The following LRRC53 variants were observed in gnomAD, a reference collection of about 807,000 sequenced individuals.
The protein encoded by LRRC53 is leucine-rich repeat-containing protein 53.
A neutral mutation model predicts 13.6 loss-of-function variants in LRRC53; 25 were observed. The ratio of observed to expected loss-of-function variants is 1.83; its 90% confidence interval spans 1.34 to 2.56. The LOEUF (loss-of-function observed/expected upper bound fraction) is 2.56, where lower values mean the gene tolerates loss of function less well. Among genes scored for constraint, LRRC53 ranks in the 30% most tolerant of loss-of-function variants. LRRC53 has a pLI of 0.00. For synonymous variants in LRRC53, 204 were observed against 109.8 expected, an observed-to-expected ratio of 1.86 and a Z score of -5.37; for missense variants, 527 against 275.8, an observed-to-expected ratio of 1.91 and a Z score of -6.45.
rs1557599715 is a variant in LRRC53, at chr1:74,486,507, C to CTTTTTGCT, written c.-26-3133_-26-3132insAGCAAAAA. 3.5e-3 allele frequency among the ~76,000 whole-genome samples: 485 copies of CTTTTTGCT among 137,096 alleles called. 4 individuals carry two copies. Among genetic ancestry groups the CTTTTTGCT allele is most frequent in the African/African-American group, 0.012 (461 of 36,898 alleles). 89.9% of individuals were successfully genotyped at this position (137,096 alleles called of 152,430 possible). A position where few individuals can be genotyped will look rare whatever the true frequency, so the allele number is the denominator to read the frequency against. ...TTTTGTGTGTGTTTTTTGTTTTTTG[C>CTTTTTGCT]TTTTTTTTTTTTTGCCTCTGCAAGC... On this transcript the variant is annotated intron_variant, in intron 1 of 4. Coordinates refer to ENST00000294635, the MANE Select transcript of LRRC53 (RefSeq NM_001382280.1).
chr1:74,500,354 A>G (rs1164151920), intron 1 of LRRC53, among the ~76,000 whole-genome samples: 5 of 151,890 alleles, frequency 3.3e-5, no homozygotes, highest in Admixed American at 6.6e-5. Flanking sequence ...AAATTATTTA[A>G]GCCTTGGGAG....
intron 3 of LRRC53, among the ~76,000 whole-genome samples, chr1:74,476,225 T>C (rs1668200208): frequency 6.6e-6 from 1 of 152,178 alleles, no homozygotes; most frequent in African/African-American, 2.4e-5. Context: ...CTATGTAGTT[T>C]GTCCTCTGAA....
chr1:74,511,048 C>A (rs1670188865), intron 1 of LRRC53, among the ~76,000 whole-genome samples: 1 of 152,050 alleles, frequency 6.6e-6, no homozygotes, highest in Non-Finnish European at 1.5e-5. Flanking sequence ...CCACCATGCC[C>A]AGCTAATGTT....
chr1:74,498,472 T>A (rs1428893662), intron 1 of LRRC53, among the ~76,000 whole-genome samples: 2 of 152,224 alleles, frequency 1.3e-5, no homozygotes, highest in Admixed American at 6.5e-5. Context: ...AATTCTCTTC[T>A]TTTTTGTTTT....
chr1:74,486,537 G>A (rs1428805685), intron 1 of LRRC53, among the ~76,000 whole-genome samples: 1 of 142,744 alleles, frequency 7.0e-6, no homozygotes, highest in African/African-American at 2.6e-5. Flanking sequence ...GCAAGCAGAA[G>A]GATGGAGTTT....
chr1:74,511,210 G>A (rs1460342425), intron 1 of LRRC53, among the ~76,000 whole-genome samples: 2 of 135,108 alleles, frequency 1.5e-5, no homozygotes, highest in Non-Finnish European at 3.1e-5. Flanking sequence ...TTTTTTTTCC[G>A]AGATGGAATT....
At chr1:74,502,471 T>C (rs1480860387) in intron 1 of LRRC53, among the ~76,000 whole-genome samples, 1 of 152,220 alleles carries the variant, frequency 6.6e-6, no homozygotes, top group Non-Finnish European at 1.5e-5. Flanking sequence ...TAGTTCATAA[T>C]TTAATTTGGG....
chr1:74,475,116 CCACACACA>C (rs3058791), intron 4 of LRRC53, among the ~76,000 whole-genome samples, 171 bp downstream of exon 4: 46 of 135,988 alleles, frequency 3.4e-4, no homozygotes, highest in East Asian at 3.2e-3. Flanking sequence ...CCACCTCAGC[CCACACACA>C]CACACACACA....
chr1:74,474,889 C>T (rs927079244), intron 4 of LRRC53, among the ~76,000 whole-genome samples: 12 of 152,022 alleles, frequency 7.9e-5, no homozygotes, highest in Admixed American at 6.6e-5. Context: ...ACATGTCATG[C>T]TCTGGGAAGG....
chr1:74,523,271 T>A, the LRRC53 span, among the ~76,000 whole-genome samples: 1 of 152,214 alleles, frequency 6.6e-6, no homozygotes, highest in African/African-American at 2.4e-5. Context: ...AACACATCTA[T>A]AGACATTATC....
intron 2 of LRRC53, among the ~76,000 whole-genome samples, chr1:74,482,164 A>C (rs1309528431): frequency 6.6e-6 from 1 of 152,138 alleles, no homozygotes; most frequent in East Asian, 1.9e-4. Context: ...ATGGGTCCCC[A>C]GTCCTTTAGG....
Position 74,477,946 on chromosome 1 carries a change from A to G in LRRC53, c.905-2136T>C, listed in dbSNP as rs3737567. ...CATTACAGCTTCATAAAAACTTTTT[A>G]TCTACCAGTTCATAGTGTAAGTGTC... On this transcript the variant is annotated intron_variant, in intron 3 of 4. Transcript: ENST00000294635. 1.2e-4 allele frequency among the ~76,000 whole-genome samples: 18 copies of G among 152,330 alleles called. 1 individual carries two copies. In the East Asian group the frequency reaches 3.5e-3, roughly 29 times the overall value.
At chr1:74,504,632 C>T (rs1166751111) in intron 1 of LRRC53, among the ~76,000 whole-genome samples, 1 of 151,798 alleles carries the variant, frequency 6.6e-6, no homozygotes, top group African/African-American at 2.4e-5. Context: ...GTAAAATTGA[C>T]ACCTTTAAAA....
In LRRC53 at chr1:74,480,751, G is replaced by A. The variant is rs1293337905; in HGVS notation, c.306C>T (p.Thr102=). The change falls in exon 3 of 5, where the codon ACC becomes ACT. Residue 102 remains threonine (T), a synonymous_variant. Coordinates refer to ENST00000294635, the MANE Select transcript of LRRC53 (RefSeq NM_001382280.1). ...QISSSSLTDH[T]FSKLHSLQVL... The stretch of plus-strand genomic sequence containing the variant: ...CCTGCAGGCTGTGAAGCTTGCTGAA[G>A]GTGTGATCAGTGAGCGAAGAGCTGG... 4.2e-6 allele frequency: 3 copies of A among 717,358 alleles called. No homozygotes were observed. The highest frequency in any genetic ancestry group is 2.7e-5 in the East Asian group (1 of 37,296). The allele number at this position is 717,358 out of a possible 1,614,324, so 44.4% of individuals were successfully genotyped here.
At chr1:74,481,453 C>T (rs557604407) in intron 2 of LRRC53, among the ~76,000 whole-genome samples, 3 of 152,252 alleles carry the variant, frequency 2.0e-5, no homozygotes, top group South Asian at 4.1e-4. Context: ...AGTAAAGGTG[C>T]GAGTTGGGAT....
At chr1:74,536,476 AT>A in the LRRC53 span, among the ~76,000 whole-genome samples, 1 of 152,148 alleles carries the variant, frequency 6.6e-6, no homozygotes, top group Admixed American at 6.6e-5. Flanking sequence ...ATTTTAATAA[AT>A]TATTCATATC....
At chr1:74,529,314 A>G in the LRRC53 span, among the ~76,000 whole-genome samples, 3 of 152,176 alleles carry the variant, frequency 2.0e-5, no homozygotes, top group African/African-American at 7.2e-5. Flanking sequence ...CCCTTCTGTG[A>G]TACTGCCCTC....
In LRRC53 at chr1:74,471,905, T is replaced by A; in HGVS notation, c.1717A>T (p.Ile573Phe). ...TGCTCACAGGGCACATATTTACAGA[T>A]AAGAGAATTGTTTGGCTGAAAATAC... The part of the protein sequence containing the change: ...PRYFQPNNSL[I>F]CKYVPCEQFE... Residue 573 changes from isoleucine (I) to phenylalanine (F), a missense_variant, in exon 5 of 5, where the codon ATC (isoleucine) becomes TTC (phenylalanine). Ile to Phe is a conservative substitution (Grantham distance 21, BLOSUM62 0). Transcript: ENST00000294635. The A allele has an allele frequency of 2.0e-6, 1 of 505,982 alleles. No individual in the cohort carries two copies. Among genetic ancestry groups the A allele is most frequent in the Non-Finnish European group, 3.5e-6 (1 of 285,468 alleles). 31.3% of individuals were successfully genotyped at this position (505,982 alleles called of 1,614,324 possible). A position where few individuals can be genotyped will look rare whatever the true frequency, so the allele number is the denominator to read the frequency against.
the LRRC53 span, among the ~76,000 whole-genome samples, chr1:74,533,099 A>G: frequency 6.6e-6 from 1 of 152,210 alleles, no homozygotes; most frequent in Non-Finnish European, 1.5e-5. Context: ...TCTGCACAGC[A>G]AAAGAAAGTA....
Sources: gnomAD v4.1 joint callset for allele counts (sites outside exome capture counted in the v4.1 genomes callset) on GRCh38, gnomAD v4.1.1 for gene constraint, MANE v1.5 for transcripts, NCBI Gene and HGNC (gene_info 2026-07-23, HGNC 2026-07-21) for gene names.